Variants in WDR27 observed in about 807,000 individuals in gnomAD.
The protein encoded by WDR27 is WD repeat domain 27.
WDR27 carries 100 observed loss-of-function variants against 114.4 expected under a neutral mutation model. That is an observed-to-expected ratio of 0.87 (90% CI 0.74 to 1.03). WDR27 has a LOEUF of 1.03. WDR27 is among the 50% of genes least tolerant of loss of function. The pLI is 0.00. For missense variants in WDR27, 1,129 were observed against 1,092.9 expected (o/e 1.03, Z -0.47); for synonymous variants, 449 against 423.1 (o/e 1.06, Z -0.75).
chr6:169,482,536 A>G (rs1446578068), intron 25 of WDR27, among the ~76,000 whole-genome samples: 1 of 152,098 alleles, frequency 6.6e-6, no homozygotes, highest in Non-Finnish European at 1.5e-5. Flanking sequence ...GCACAAAGCA[A>G]GTTCTTAGAG....
chr6:169,436,069 T>C, the WDR27 span, among the ~76,000 whole-genome samples: 1,390 of 152,122 alleles, frequency 9.1e-3, 26 homozygotes, highest in African/African-American at 0.032. Context: ...AATCTCTGTA[T>C]GTTATGTTAT....
intron 25 of WDR27, among the ~76,000 whole-genome samples, chr6:169,564,411 C>A (rs142839206): frequency 2.0e-5 from 3 of 152,328 alleles, no homozygotes; most frequent in African/African-American, 7.2e-5. Flanking sequence ...ACAGCCAGGA[C>A]AATACTTTGC....
At chr6:169,685,176 C>T (rs947684265) in intron 2 of WDR27, among the ~76,000 whole-genome samples, 1 of 151,986 alleles carries the variant, frequency 6.6e-6, no homozygotes, top group Non-Finnish European at 1.5e-5. Context: ...AAATAAATCC[C>T]TATGAAACGT....
At chr6:169,500,469 C>T (rs550026692) in intron 25 of WDR27, among the ~76,000 whole-genome samples, 2 of 152,276 alleles carry the variant, frequency 1.3e-5, no homozygotes, top group Admixed American at 1.3e-4. Flanking sequence ...CACCCATCTT[C>T]ATCTTCTCAC....
intron 21 of WDR27, among the ~76,000 whole-genome samples, chr6:169,628,018 T>C (rs941892573): frequency 1.3e-5 from 2 of 152,180 alleles, no homozygotes; most frequent in African/African-American, 4.8e-5. Flanking sequence ...CTCGGCGCCA[T>C]GGTCTGGAAG....
At chr6:169,685,731 T>G (rs888053588) in intron 2 of WDR27, among the ~76,000 whole-genome samples, 2 of 152,152 alleles carry the variant, frequency 1.3e-5, no homozygotes, top group Non-Finnish European at 2.9e-5. Flanking sequence ...AAATAAATAT[T>G]CATAATATGG....
At chr6:169,480,970 CT>C (rs1787962386) in intron 25 of WDR27, among the ~76,000 whole-genome samples, 1 of 151,266 alleles carries the variant, frequency 6.6e-6, no homozygotes, top group Non-Finnish European at 1.5e-5. Context: ...AATCAGCACT[CT>C]GTGTCTAGCT....
At chr6:169,669,109 TTTAAG>T (rs767809469) in intron 4 of WDR27, among the ~76,000 whole-genome samples, 8 of 152,352 alleles carry the variant, frequency 5.3e-5, no homozygotes, top group East Asian at 1.9e-4. Context: ...CTGAAAAATA[TTTAAG>T]TTATTTCCTT....
At chr6:169,560,873 G>A (rs560338668) in intron 25 of WDR27, among the ~76,000 whole-genome samples, 1 of 152,218 alleles carries the variant, frequency 6.6e-6, no homozygotes, top group Non-Finnish European at 1.5e-5. Flanking sequence ...CAGAAAGATC[G>A]TATAATCCAA....
rs1016718643 is a variant in WDR27, at chr6:169,498,678, C to A, written c.2646-41044G>T. 3.9e-5 allele frequency among the ~76,000 whole-genome samples: 6 copies of A among 152,178 alleles called. No individual in the cohort carries two copies. In the South Asian group the frequency reaches 1.2e-3, roughly 32 times the overall value. On this transcript the variant is annotated intron_variant, in intron 25 of 25. Transcript: ENST00000448612. ...CAGGAGCACATTGTGATGGATGTGA[C>A]TGTCTAAATGAAACTTCAGAGAAGA...
At chr6:169,435,663 T>C in the WDR27 span, among the ~76,000 whole-genome samples, 2 of 152,278 alleles carry the variant, frequency 1.3e-5, no homozygotes, top group Non-Finnish European at 2.9e-5. Flanking sequence ...TTGGAATGAA[T>C]GTGTTTATCC....
intron 25 of WDR27, among the ~76,000 whole-genome samples, chr6:169,514,757 A>AATATATATATATATATATATATAT (rs112203960): frequency 6.3e-5 from 9 of 143,534 alleles, no homozygotes; most frequent in African/African-American, 2.3e-4. Context: ...AAAAAAAGAG[A>AATATATATATATATATATATATAT]ATATATATAT....
intron 25 of WDR27, among the ~76,000 whole-genome samples, chr6:169,477,490 G>A (rs1351279756): frequency 6.6e-6 from 1 of 152,120 alleles, no homozygotes; most frequent in Non-Finnish European, 1.5e-5. Context: ...CCAGGCTGGA[G>A]TGCAGTGGTG....
intron 2 of WDR27, among the ~76,000 whole-genome samples, chr6:169,675,429 C>T (rs1048206330): frequency 6.6e-6 from 1 of 152,078 alleles, no homozygotes; most frequent in Non-Finnish European, 1.5e-5. Context: ...ACAAAAGAGT[C>T]GAACTTTGTA....
chr6:169,546,153 G>C (rs980487571), intron 25 of WDR27, among the ~76,000 whole-genome samples: 1 of 152,168 alleles, frequency 6.6e-6, no homozygotes, highest in Non-Finnish European at 1.5e-5. Context: ...ACGAAGAAAT[G>C]AATCACTCAC....
intron 8 of WDR27, chr6:169,663,801 G>A: frequency 8.6e-6 from 2 of 232,490 alleles, no homozygotes; most frequent in Non-Finnish European, 1.7e-5. Flanking sequence ...CGTGGAGGGT[G>A]CTGGGTAGGT....
At chr6:169,604,318 T>C (rs896431909) in intron 22 of WDR27, among the ~76,000 whole-genome samples, 1 of 151,980 alleles carries the variant, frequency 6.6e-6, no homozygotes, top group Non-Finnish European at 1.5e-5. Context: ...GAGACTATAA[T>C]GAAAAACTAC....
At chr6:169,621,341 C>G (rs1351393499) in intron 21 of WDR27, among the ~76,000 whole-genome samples, 1 of 151,730 alleles carries the variant, frequency 6.6e-6, no homozygotes, top group Non-Finnish European at 1.5e-5. Flanking sequence ...CATACGCACA[C>G]ACATGCATGT....
At chr6:169,592,932 G>C (rs1806037111) in intron 23 of WDR27, among the ~76,000 whole-genome samples, 1 of 152,080 alleles carries the variant, frequency 6.6e-6, no homozygotes, top group African/African-American at 2.4e-5. Context: ...TCCTCTTTTT[G>C]TATCAGTTAA....
Sources: allele counts gnomAD v4.1 joint callset (sites outside exome capture counted in the v4.1 genomes callset), GRCh38; gene constraint gnomAD v4.1.1; transcripts MANE v1.5; gene names NCBI Gene and HGNC (gene_info 2026-07-23, HGNC 2026-07-21).